SAP130: variants seen among roughly 807,000 people sequenced by gnomAD.
The protein encoded by SAP130 is Sin3A associated protein 130.
A neutral mutation model predicts 103.2 loss-of-function variants in SAP130; 16 were observed. The ratio of observed to expected loss-of-function variants is 0.16; its 90% CI spans 0.10 to 0.24. SAP130 has a LOEUF of 0.24. Among genes scored for constraint, SAP130 ranks in the 10% least tolerant of loss-of-function variants. The probability of loss-of-function intolerance (pLI) is 1.00; values close to 1 mark genes in which losing one functional copy is unlikely to be tolerated. For missense variants in SAP130, 990 were observed against 1,359.7 expected (o/e 0.73, Z 4.28); for synonymous variants, 477 against 497.0 (o/e 0.96, Z 0.53).
intron 15 of SAP130, among the ~76,000 whole-genome samples, chr2:127,958,274 C>T (rs1164389766): frequency 6.6e-5 from 10 of 152,150 alleles, no homozygotes; most frequent in African/African-American, 2.4e-4. Flanking sequence ...ATTAGTGGGG[C>T]GCAGTGGCGA....
intron 7 of SAP130, among the ~76,000 whole-genome samples, chr2:128,001,820 T>C (rs901707688): frequency 2.0e-5 from 3 of 152,002 alleles, no homozygotes; most frequent in Admixed American, 6.6e-5. Flanking sequence ...CATTAAGTAA[T>C]GAATGAGTGT....
intron 16 of SAP130, among the ~76,000 whole-genome samples, chr2:127,952,875 AGACTAGATCATG>A (rs1473371428): frequency 6.6e-6 from 1 of 152,098 alleles, no homozygotes; most frequent in Non-Finnish European, 1.5e-5. Flanking sequence ...CACCATCCTA[AGACTAGATCATG>A]GACTGCTTCT....
chr2:128,008,193 T>C (rs937902349), intron 7 of SAP130, among the ~76,000 whole-genome samples: 1 of 152,092 alleles, frequency 6.6e-6, no homozygotes, highest in African/African-American at 2.4e-5. Context: ...CTCCCTTCCC[T>C]CAACATAACC....
rs932822085 is a variant in SAP130 at position 128,007,409 on chromosome 2, C to T, written c.869+2860G>A. 2.8e-4 allele frequency among the ~76,000 whole-genome samples: 43 copies of T among 152,170 alleles called. 1 individual carries two copies. Among genetic ancestry groups the T allele is most frequent in the Non-Finnish European group, 5.3e-4 (36 of 68,034 alleles). On this transcript the variant is annotated intron_variant, in intron 7 of 20. Transcript: ENST00000643581. ...GCTACTTTATATGAAGGAACTTGAG[C>T]GTCCTTGGATTTCAGCATCTGCAGG...
intron 16 of SAP130, among the ~76,000 whole-genome samples, chr2:127,951,397 C>G (rs913869538): frequency 2.8e-4 from 43 of 152,208 alleles, no homozygotes; most frequent in African/African-American, 1.0e-3. Context: ...ACTTTCCTGT[C>G]ACCATTAAAT....
rs1052632534 is a variant in SAP130 at position 127,991,130 on chromosome 2, A to C, written c.1478-1264T>G. 5.3e-5 allele frequency among the ~76,000 whole-genome samples: 8 copies of C among 152,044 alleles called. No individual in the cohort carries two copies. In the East Asian group the frequency reaches 9.7e-4, roughly 18 times the overall value. ...CTGGGTGTGCTGGCGCATACCTATA[A>C]TACTATCCACTGGGGACAGTGAAGC... On this transcript the variant is annotated intron_variant, in intron 12 of 20. Coordinates refer to ENST00000643581, the MANE Select transcript of SAP130 (RefSeq NM_001330301.2).
chr2:127,955,184 G>C lies in SAP130; in HGVS notation c.2224C>G (p.Pro742Ala), dbSNP rs778989088. 3.1e-6 allele frequency: 5 copies of C among 1,614,042 alleles called. No homozygotes were observed. The African/African-American group carries it at 5.3e-5, about 17-fold the overall frequency. The change falls in exon 16 of 21, where the codon CCC (proline) becomes GCC (alanine). Residue 742 changes from proline to alanine, a missense_variant. Physicochemically the swap from Pro to Ala is conservative, Grantham distance 27 (BLOSUM62 -1). Coordinates refer to ENST00000643581, the MANE Select transcript of SAP130 (RefSeq NM_001330301.2). This position sits in a 1 kb window ranked among gnomAD's most constrained non-coding sequence, Gnocchi z 4.9. ...AGGGCAACGGCTGGTTGTGACGGGG[G>C]ACTGGCTGCTGCAATCATAGTTGGA... ...TIPTMIAAAS[P>A]PSQPAVALST... is the part of the protein sequence containing the mutation.
chr2:128,026,108 C>T (rs1188208627), intron 2 of SAP130, 73 bp downstream of exon 2: 3 of 997,836 alleles, frequency 3.0e-6, no homozygotes, highest in African/African-American at 3.3e-5. Flanking sequence ...GAAGAATCTG[C>T]TAATTTTTAA....
chr2:127,962,183 T>C (rs1424366338), intron 15 of SAP130, among the ~76,000 whole-genome samples: 1 of 152,196 alleles, frequency 6.6e-6, no homozygotes, highest in Admixed American at 6.5e-5. Flanking sequence ...TCCAACAGCA[T>C]ATTTCAAACT....
At chr2:128,018,529 C>T (rs1478456138) in intron 2 of SAP130, among the ~76,000 whole-genome samples, 1 of 147,890 alleles carries the variant, frequency 6.8e-6, no homozygotes, top group African/African-American at 2.5e-5. Context: ...CAGTGGCTTG[C>T]ACCTGCAATC....
chr2:127,949,106 C>T (rs1573625207), intron 18 of SAP130, among the ~76,000 whole-genome samples: 1 of 152,158 alleles, frequency 6.6e-6, no homozygotes, highest in Non-Finnish European at 1.5e-5. Context: ...AGCATGTCCA[C>T]CTCTGCTTAC....
At position 127,955,273 on chromosome 2, in the gene SAP130, T is replaced by C. The variant is rs762043963; in HGVS notation, c.2135A>G (p.Asn712Ser). 6.2e-6 allele frequency: 10 copies of C among 1,613,640 alleles called. No homozygotes were observed. Among genetic ancestry groups the C allele is most frequent in the African/African-American group, 5.3e-5 (4 of 74,894 alleles). The change falls in exon 16 of 21, where the codon AAT becomes AGT. Residue 712 changes from asparagine to serine, a missense_variant. By Grantham distance (46) the Asn-to-Ser change is conservative. Around this residue, in one of 6 missense-constraint regions of SAP130, gnomAD observed 349 missense variants for 384.1 expected, o/e 0.91. Transcript: ENST00000643581. This position sits in a 1 kb window ranked among gnomAD's most constrained non-coding sequence, Gnocchi z 4.9. ...PVTVSMETVS[N>S]QNNDQPTIAV... is the part of the protein sequence containing the mutation. ...AATGGTAGGCTGATCATTATTTTGA[T>C]TGGATACAGTCTCCATGGACACAGT... is the stretch of plus-strand genomic sequence containing the variant.
intron 2 of SAP130, among the ~76,000 whole-genome samples, chr2:128,019,390 C>T (rs868194198): frequency 3.9e-5 from 6 of 152,252 alleles, no homozygotes; most frequent in African/African-American, 4.8e-5. Flanking sequence ...GCCTCCGCTG[C>T]CCAAGCAGCT....
chr2:128,020,984 T>C (rs771489449), intron 2 of SAP130, among the ~76,000 whole-genome samples: 6 of 151,926 alleles, frequency 3.9e-5, no homozygotes, highest in Non-Finnish European at 5.9e-5. Flanking sequence ...AGCAAGACTC[T>C]GTCTCAAAAA....
At chr2:127,977,213 G>A (rs375197398) in intron 15 of SAP130, among the ~76,000 whole-genome samples, 4 of 152,076 alleles carry the variant, frequency 2.6e-5, no homozygotes, top group African/African-American at 4.8e-5. Context: ...CATAAGGCCC[G>A]GCATGGTGGT....
intron 15 of SAP130, among the ~76,000 whole-genome samples, chr2:127,962,279 A>G (rs1680309531): frequency 6.6e-6 from 1 of 152,170 alleles, no homozygotes; most frequent in Admixed American, 6.5e-5. Flanking sequence ...GCATCATTCC[A>G]CATGTTATGG....
chr2:127,958,635 T>A (rs1680007892), intron 15 of SAP130, among the ~76,000 whole-genome samples: 6 of 127,636 alleles, frequency 4.7e-5, no homozygotes, highest in Non-Finnish European at 6.5e-5. Context: ...GTGAGACAGA[T>A]GAGAGAGAGA....
At chr2:128,021,924 C>T (rs1685189381) in intron 2 of SAP130, among the ~76,000 whole-genome samples, 1 of 152,182 alleles carries the variant, frequency 6.6e-6, no homozygotes, top group Non-Finnish European at 1.5e-5. Context: ...TAGTGAAGTG[C>T]ATGTTTATCT....
rs943858164 is a variant in SAP130 at position 127,950,476 on chromosome 2, C to T, written c.2423-68G>A. 9.6e-6 allele frequency: 15 copies of T among 1,566,280 alleles called. No individual in the cohort carries two copies. In the African/African-American group the frequency reaches 1.1e-4, roughly 11 times the overall value. On this transcript the variant is annotated intron_variant, in intron 16 of 20. Coordinates refer to ENST00000643581, the MANE Select transcript of SAP130 (RefSeq NM_001330301.2). The stretch of plus-strand genomic sequence containing the variant: ...GATAACAGAAAGTTTCACTTCCTTC[C>T]TTCCAACAAAGATGATTAAGAAGAC...
Sources: allele counts gnomAD v4.1 joint callset (sites outside exome capture counted in the v4.1 genomes callset), GRCh38; gene constraint gnomAD v4.1.1; regional missense constraint gnomAD v4.1.1; non-coding constraint Gnocchi (gnomAD v3.1); transcripts MANE v1.5; gene names NCBI Gene and HGNC (gene_info 2026-07-23, HGNC 2026-07-21).